The following EGFR variants were observed in gnomAD, a reference collection of about 807,000 sequenced individuals.
The protein encoded by EGFR is epidermal growth factor receptor.
In EGFR, 58 loss-of-function variants were observed where a neutral mutation model predicts 143.0. The ratio of observed to expected loss-of-function variants is 0.41; its 90% CI spans 0.33 to 0.50. The LOEUF (loss-of-function observed/expected upper bound fraction) is 0.50, where lower values mean the gene tolerates loss of function less well. EGFR is among the 20% of genes least tolerant of loss of function. EGFR has a pLI of 0.39. For synonymous variants in EGFR, 613 were observed against 594.4 expected (o/e 1.03, Z -0.45); for missense variants, 1,307 against 1,579.0 (o/e 0.83, Z 2.92).
intron 1 of EGFR, among the ~76,000 whole-genome samples, chr7:55,085,301 T>G (rs1790691031): frequency 6.6e-6 from 1 of 152,232 alleles, no homozygotes; most frequent in Non-Finnish European, 1.5e-5. Flanking sequence ...GAGGCATTCA[T>G]GTAAATCCTT....
At chr7:55,186,481 C>T (rs1349955778) in intron 20 of EGFR, among the ~76,000 whole-genome samples, 1 of 152,224 alleles carries the variant, frequency 6.6e-6, no homozygotes, top group Non-Finnish European at 1.5e-5. Flanking sequence ...GAGAGGATGA[C>T]TTACCCAGCA....
chr7:55,025,216 G>C (rs537694316), intron 1 of EGFR, among the ~76,000 whole-genome samples: 2 of 152,146 alleles, frequency 1.3e-5, no homozygotes, highest in African/African-American at 4.8e-5. Flanking sequence ...CTGCAGCAGC[G>C]GTTTGGGGAA....
chr7:55,064,872 C>G (rs112329231), intron 1 of EGFR, among the ~76,000 whole-genome samples: 2,448 of 152,288 alleles, frequency 0.016, 73 homozygotes, highest in African/African-American at 0.055. Flanking sequence ...TCTGTTTTAG[C>G]AAATAACCTG....
At chr7:55,065,582 G>A (rs1300441920) in intron 1 of EGFR, among the ~76,000 whole-genome samples, 1 of 152,226 alleles carries the variant, frequency 6.6e-6, no homozygotes, top group African/African-American at 2.4e-5. Flanking sequence ...TCTGGTTGCA[G>A]AAGGAATAAG....
Position 55,020,759 on chromosome 7 carries a change from C to G in EGFR, c.88+1394C>G, listed in dbSNP as rs1786517156. On this transcript the variant is annotated intron_variant, in intron 1 of 27. Coordinates refer to ENST00000275493, the MANE Select transcript of EGFR (RefSeq NM_005228.5). ...CTGCGCGGGTTCCAAGAGCCAGGCC[C>G]GTACTTGCTGTTGATGTCATTGGCT... 2.0e-5 allele frequency among the ~76,000 whole-genome samples: 3 copies of G among 151,994 alleles called. No homozygotes were observed. The South Asian group carries it at 6.2e-4, about 32-fold the overall frequency.
At chr7:55,190,130 C>A (rs533403165) in intron 20 of EGFR, among the ~76,000 whole-genome samples, 9 of 152,228 alleles carry the variant, frequency 5.9e-5, no homozygotes, top group Non-Finnish European at 8.8e-5. Context: ...TTCTGCCCCC[C>A]CTCTCCTCTC....
intron 1 of EGFR, among the ~76,000 whole-genome samples, chr7:55,062,249 A>G (rs565131476): frequency 2.0e-5 from 3 of 152,324 alleles, no homozygotes; most frequent in African/African-American, 7.2e-5. Context: ...CTGAATTAAA[A>G]TTAGTCTTCA....
At chr7:55,046,954 T>C (rs927175966) in intron 1 of EGFR, among the ~76,000 whole-genome samples, 1 of 152,192 alleles carries the variant, frequency 6.6e-6, no homozygotes, top group African/African-American at 2.4e-5. Context: ...ATATTAAAAA[T>C]TAATGTGCCT....
chr7:55,062,905 T>C (rs1789274051), intron 1 of EGFR, among the ~76,000 whole-genome samples: 2 of 151,884 alleles, frequency 1.3e-5, no homozygotes, highest in Non-Finnish European at 2.9e-5. Context: ...TGCCAGGCAC[T>C]GTGCTCTAAG....
intron 1 of EGFR, among the ~76,000 whole-genome samples, chr7:55,084,006 G>A (rs1428927782): frequency 2.0e-5 from 3 of 152,188 alleles, no homozygotes; most frequent in African/African-American, 7.2e-5. Context: ...ACAGGGTCAA[G>A]GCCAAATCAG....
At chr7:55,198,103 A>G (rs1395618493) in intron 22 of EGFR, among the ~76,000 whole-genome samples, 1 of 152,128 alleles carries the variant, frequency 6.6e-6, no homozygotes, top group Admixed American at 6.5e-5. Context: ...CATCTTGTAG[A>G]ATTTGGCTAT....
At position 55,067,957 on chromosome 7, in the gene EGFR, T is replaced by A. The variant is rs192829658; in HGVS notation, c.88+48592T>A. Among the ~76,000 whole-genome samples, 27 of 151,370 alleles carry A rather than the reference T, an allele frequency of 1.8e-4. 1 individual carries two copies. Among genetic ancestry groups the A allele is most frequent in the African/African-American group, 6.1e-4 (25 of 40,706 alleles). ...ACGTGTGTATGCATGTATATGGGTATGTGTGTACGTGTGTACGTGTGTGTG... is the reference window on the plus strand; with the variant it reads ...ACGTGTGTATGCATGTATATGGGTAAGTGTGTACGTGTGTACGTGTGTGTG... On this transcript the variant is annotated intron_variant, in intron 1 of 27. Transcript: ENST00000275493.
At chr7:55,019,391 G>T in intron 1 of EGFR, 26 bp downstream of exon 1, 1 of 1,379,034 alleles carries the variant, frequency 7.3e-7, no homozygotes, top group South Asian at 1.5e-5. Context: ...GCCGGCTCCC[G>T]CGCCGCCCCC....
chr7:55,121,646 C>T (rs149334018), intron 1 of EGFR, among the ~76,000 whole-genome samples: 1 of 152,316 alleles, frequency 6.6e-6, no homozygotes, highest in African/African-American at 2.4e-5. Flanking sequence ...CCATAAAAAA[C>T]AGACCCCTAG....
At chr7:55,089,085 A>G (rs954213922) in intron 1 of EGFR, among the ~76,000 whole-genome samples, 1 of 147,410 alleles carries the variant, frequency 6.8e-6, no homozygotes, top group Non-Finnish European at 1.5e-5. Context: ...AAGGTCGATC[A>G]TTTAGGTTTT....
At chr7:55,054,461 T>G (rs1382846188) in intron 1 of EGFR, among the ~76,000 whole-genome samples, 1 of 152,248 alleles carries the variant, frequency 6.6e-6, no homozygotes, top group African/African-American at 2.4e-5. Flanking sequence ...CTGCTCTAAC[T>G]TGGCCATGCC....
intron 22 of EGFR, among the ~76,000 whole-genome samples, chr7:55,195,269 G>A (rs950214444): frequency 2.0e-5 from 3 of 152,170 alleles, no homozygotes; most frequent in Non-Finnish European, 2.9e-5. Flanking sequence ...TCCTTCCAAT[G>A]TTAAGCTTGT....
At chr7:55,160,849 C>T (rs1785660963) in intron 12 of EGFR, among the ~76,000 whole-genome samples, 2 of 152,216 alleles carry the variant, frequency 1.3e-5, no homozygotes, top group Non-Finnish European at 2.9e-5. Context: ...CTGTCAATTC[C>T]CTTAATCTGT....
intron 20 of EGFR, among the ~76,000 whole-genome samples, chr7:55,183,206 T>C (rs1340365261): frequency 6.6e-6 from 1 of 152,158 alleles, no homozygotes; most frequent in Non-Finnish European, 1.5e-5. Flanking sequence ...TTAATAAAGA[T>C]ACCAGTCATT....
Sources: gnomAD v4.1 joint callset for allele counts (sites outside exome capture counted in the v4.1 genomes callset) on GRCh38, gnomAD v4.1.1 for gene constraint, MANE v1.5 for transcripts, NCBI Gene and HGNC (gene_info 2026-07-23, HGNC 2026-07-21) for gene names.